The following ADGRG2 variants were observed in gnomAD, a reference collection of about 807,000 sequenced individuals.
ADGRG2 encodes the protein G protein-coupled receptor 64.
ADGRG2 carries 26 observed loss-of-function variants against 74.1 expected under a neutral mutation model. The observed-to-expected ratio is 0.35, with a 90% CI of 0.26 to 0.49. The LOEUF (loss-of-function observed/expected upper bound fraction) is 0.49, where lower values mean the gene tolerates loss of function less well. Among genes scored for constraint, ADGRG2 ranks in the 20% least tolerant of loss-of-function variants. ADGRG2 has a pLI of 0.99. For missense variants in ADGRG2, 619 were observed against 763.1 expected, an observed-to-expected ratio of 0.81 and a Z score of 2.22; for synonymous variants, 296 against 295.2, an observed-to-expected ratio of 1.00 and a Z score of -0.03.
rs12847500 is a variant in ADGRG2 at position 19,007,310 on chromosome X, C to T, written c.1614G>A (p.Ser538=). The change falls in exon 20 of 29, where the codon TCG becomes TCA. Residue 538 remains serine (S), a synonymous_variant. Transcript: ENST00000379869. ...TCCTGACGGTCAGGTTTGCAACACT[C>T]GATGATATGACGTAGCTGATCAGAG... is the stretch of plus-strand genomic sequence containing the variant. ...NLSLISYVIS[S]SVANLTVRNL... The T allele has an allele frequency of 0.032, 38,888 of 1,204,696 alleles. 460 individuals carry two copies. Among genetic ancestry groups the T allele is most frequent in the Non-Finnish European group, 0.038 (33,887 of 890,559 alleles).
At chrX:19,063,437 G>A (rs1297514627) in intron 3 of ADGRG2, among the ~76,000 whole-genome samples, 1 of 112,444 alleles carries the variant, frequency 8.9e-6, no homozygotes, top group East Asian at 2.8e-4. Flanking sequence ...AGATTCTGAT[G>A]GGGAATCTTC....
chrX:19,087,676 A>G (rs746884689), intron 1 of ADGRG2, among the ~76,000 whole-genome samples: 1 of 112,065 alleles, frequency 8.9e-6, no homozygotes, highest in South Asian at 3.8e-4. Context: ...AAACATCTCA[A>G]AAGATGACCC....
At chrX:19,027,372 A>ATATT in intron 10 of ADGRG2, 98 bp from the exon 11 acceptor site, 1 of 570,847 alleles carries the variant, frequency 1.8e-6, no homozygotes, top group South Asian at 2.5e-5. Flanking sequence ...AGCCACTCAA[A>ATATT]TAACTATACC....
At chrX:19,082,320 T>C (rs1380783164) in intron 2 of ADGRG2, among the ~76,000 whole-genome samples, 1 of 110,364 alleles carries the variant, frequency 9.1e-6, no homozygotes, top group Admixed American at 9.8e-5. Context: ...GGGACACACG[T>C]CCAGGGAGCA....
Position 19,092,783 on chromosome X carries a change from G to A in ADGRG2, c.-46-10037C>T, listed in dbSNP as rs111711589. Among the ~76,000 whole-genome samples the A allele has an allele frequency of 6.3e-3, 709 of 111,976 alleles. 4 individuals are homozygous for A. Among genetic ancestry groups the A allele is most frequent in the African/African-American group, 0.022 (671 of 30,802 alleles). The stretch of plus-strand genomic sequence containing the variant: ...CGAGATGGAGGAGGACCTTCACGTT[G>A]ACTTGTGTCTTAGAGCCTTCAGTTG... On this transcript the variant is annotated intron_variant, in intron 1 of 28. Coordinates refer to ENST00000379869, the MANE Select transcript of ADGRG2 (RefSeq NM_001079858.3).
intron 2 of ADGRG2, among the ~76,000 whole-genome samples, chrX:19,081,098 T>C (rs1443529373): frequency 9.0e-6 from 1 of 110,813 alleles, no homozygotes; most frequent in Non-Finnish European, 1.9e-5. Context: ...GCCAAATCAA[T>C]AGTGATTTTT....
At position 19,096,723 on chromosome X, in the gene ADGRG2, T is replaced by C. The variant is rs191061200; in HGVS notation, c.-46-13977A>G. On this transcript the variant is annotated intron_variant, in intron 1 of 28. Coordinates refer to ENST00000379869, the MANE Select transcript of ADGRG2 (RefSeq NM_001079858.3). ...CATGATGATAACAGCCAGTGTTTAATTGTAGCCTATCACAAGTCATGGGAT... is the reference window on the plus strand; with the variant it reads ...CATGATGATAACAGCCAGTGTTTAACTGTAGCCTATCACAAGTCATGGGAT... Among the ~76,000 whole-genome samples, 3 of 112,076 alleles carry C rather than the reference T, an allele frequency of 2.7e-5. No individual in the cohort carries two copies. In the East Asian group the frequency reaches 8.4e-4, roughly 31 times the overall value.
intron 28 of ADGRG2, 99 bp downstream of exon 28, chrX:18,994,797 A>G (rs2059986905): frequency 1.7e-6 from 1 of 577,403 alleles, no homozygotes; most frequent in Non-Finnish European, 2.7e-6. Flanking sequence ...ATATGTATTA[A>G]TAGTTACTCA....
At chrX:19,019,010 T>TC (rs2060529540) in intron 15 of ADGRG2, among the ~76,000 whole-genome samples, 1 of 110,089 alleles carries the variant, frequency 9.1e-6, no homozygotes, top group East Asian at 2.9e-4. Flanking sequence ...GCCCGGCTAA[T>TC]TTTTTTTTGT....
intron 3 of ADGRG2, among the ~76,000 whole-genome samples, chrX:19,048,885 G>A (rs1362723327): frequency 1.8e-5 from 2 of 112,246 alleles, no homozygotes; most frequent in Non-Finnish European, 3.8e-5. Context: ...GCTGCTTAGC[G>A]CTTTGGGAGT....
chrX:19,063,138 C>T (rs191981330), intron 3 of ADGRG2, among the ~76,000 whole-genome samples: 2 of 111,551 alleles, frequency 1.8e-5, no homozygotes, highest in East Asian at 2.8e-4. Context: ...TGTTAAGGTC[C>T]ACGGGCTCTC....
chrX:18,989,573 G>A lies in ADGRG2; in HGVS notation c.*1291C>T, dbSNP rs1271337991. 1.8e-5 allele frequency: 2 copies of A among 111,644 alleles called. No homozygotes were observed. Among genetic ancestry groups the A allele is most frequent in the Non-Finnish European group, 3.8e-5 (2 of 53,152 alleles). The allele number at this position is 111,644 out of a possible 1,213,427, so 9.2% of individuals were successfully genotyped here. On this transcript the variant is annotated 3_prime_UTR_variant, in exon 29 of 29. Transcript: ENST00000379869. ...TGAGGCACTGCTCAAGCAGATGTAG[G>A]TAGGAAGCAAGATAGACCCTGTATA... is the stretch of plus-strand genomic sequence containing the variant.
intron 26 of ADGRG2, among the ~76,000 whole-genome samples, chrX:18,998,142 C>T (rs1002997333): frequency 1.8e-5 from 2 of 111,796 alleles, no homozygotes; most frequent in Non-Finnish European, 3.8e-5. Flanking sequence ...CGCTGAGTGT[C>T]CCAGGGCAGC....
At chrX:19,057,627 C>A (rs2061426157) in intron 3 of ADGRG2, among the ~76,000 whole-genome samples, 1 of 110,994 alleles carries the variant, frequency 9.0e-6, no homozygotes, top group Non-Finnish European at 1.9e-5. Flanking sequence ...GGAGTTTGAG[C>A]CCAGGGGTTT....
At chrX:19,107,439 C>G (rs2062320402) in intron 1 of ADGRG2, among the ~76,000 whole-genome samples, 1 of 112,091 alleles carries the variant, frequency 8.9e-6, no homozygotes, top group Non-Finnish European at 1.9e-5. Context: ...TACTGTCAAC[C>G]AATACACCAC....
In ADGRG2 at chrX:18,996,053, G is replaced by C. The variant is rs552626549; in HGVS notation, c.2714C>G (p.Ser905Cys). ...CCGKLRLAEN[S>C]DWSKTATNGL... ...GAAAAAGTGAGGTAAATCTTTACCA[G>C]AATTTTCAGCCAGCCGTAACTTTCC... The change falls in exon 27 of 29, where the codon TCT becomes TGT. Residue 905 changes from serine (S) to cysteine (C), a missense_variant and splice_region_variant. By Grantham distance (112) the Ser-to-Cys change is moderately radical (BLOSUM62 -1). This residue lies in a region of ADGRG2 where 106 missense variants were observed against 104.5 expected (regional missense o/e 1.01). Coordinates refer to ENST00000379869, the MANE Select transcript of ADGRG2 (RefSeq NM_001079858.3). 8.3e-6 allele frequency: 9 copies of C among 1,084,080 alleles called. No homozygotes were observed. In the African/African-American group the frequency reaches 9.1e-5, roughly 11 times the overall value. The allele number at this position is 1,084,080 out of a possible 1,213,427, so 89.3% of individuals were successfully genotyped here. A position where few individuals can be genotyped will look rare whatever the true frequency, so the allele number is the denominator to read the frequency against.
rs1395901879 is a variant in ADGRG2, at chrX:18,990,907, C to G, written c.3011G>C (p.Arg1004Thr). The stretch of plus-strand genomic sequence containing the variant: ...GTGTAAGCTTCCCCGCTTTGAAGTC[C>G]TTCTGAGAGCCATACGGCCTTTCCC... ...CNGKGRMALR[R>T]TSKRGSLHFI... Residue 1004 changes from arginine to threonine, a missense_variant, in exon 29 of 29, where the codon AGG (arginine) becomes ACG (threonine). Arg to Thr is a moderately conservative substitution (Grantham distance 71, BLOSUM62 -1). Coordinates refer to ENST00000379869, the MANE Select transcript of ADGRG2 (RefSeq NM_001079858.3). The G allele has an allele frequency of 5.8e-6, 7 of 1,204,410 alleles. No individual in the cohort carries two copies. In the Admixed American group the frequency reaches 1.5e-4, roughly 27 times the overall value.
chrX:19,055,636 C>T (rs756625858), intron 3 of ADGRG2, among the ~76,000 whole-genome samples: 2 of 110,821 alleles, frequency 1.8e-5, no homozygotes, highest in African/African-American at 6.6e-5. Flanking sequence ...TGAGTTCTCA[C>T]CATGTGTCAG....
rs1569373724 is a variant in ADGRG2 at position 19,014,005 on chromosome X, G to T, written c.780C>A (p.Ser260=). The change falls in exon 16 of 29, where the codon TCC becomes TCA. Residue 260 remains serine (S), a synonymous_variant. Transcript: ENST00000379869. ...PRGPPFSSSQ[S]IPVVPRATVL... is the part of the protein sequence containing the mutation. ...CAGTGGCCCGAGGCACCACTGGGAT[G>T]GATTGGCTGGAAGAAAATGGTGGGC... 1 of 1,208,354 alleles carries T rather than the reference G, an allele frequency of 8.3e-7. No homozygotes were observed. Among genetic ancestry groups the T allele is most frequent in the Admixed American group, 2.2e-5 (1 of 45,911 alleles).
Sources: gnomAD v4.1 joint callset for allele counts (sites outside exome capture counted in the v4.1 genomes callset) on GRCh38, gnomAD v4.1.1 for gene constraint, gnomAD v4.1.1 regional missense constraint, MANE v1.5 for transcripts, NCBI Gene and HGNC (gene_info 2026-07-23, HGNC 2026-07-21) for gene names.